DCC: variants seen among roughly 807,000 people sequenced by gnomAD.
DCC encodes the protein netrin receptor DCC.
DCC carries 58 observed loss-of-function variants against 172.5 expected under a neutral mutation model. The ratio of observed to expected loss-of-function variants is 0.34; its 90% CI spans 0.27 to 0.42. DCC has a LOEUF of 0.42. Among genes scored for constraint, DCC ranks in the 10% least tolerant of loss-of-function variants. DCC has a pLI of 1.00. For synonymous variants in DCC, 709 were observed against 644.5 expected (o/e 1.10, Z -1.52); for missense variants, 1,740 against 1,791.0 (o/e 0.97, Z 0.51).
At chr18:53,098,739 G>C (rs769431479) in intron 7 of DCC, among the ~76,000 whole-genome samples, 13 of 152,132 alleles carry the variant, frequency 8.5e-5, no homozygotes, top group Non-Finnish European at 1.8e-4. Flanking sequence ...TGGGAACAGT[G>C]CTCACACATG....
chr18:52,842,513 G>A (rs2038823671), intron 2 of DCC, among the ~76,000 whole-genome samples: 1 of 152,144 alleles, frequency 6.6e-6, no homozygotes, highest in Admixed American at 6.5e-5. Context: ...CCCAATTGGG[G>A]AGGGTCATCT....
chr18:53,473,149 TG>T (rs763782072), intron 25 of DCC, among the ~76,000 whole-genome samples: 6 of 152,208 alleles, frequency 3.9e-5, no homozygotes, highest in South Asian at 2.1e-4. Flanking sequence ...CCCTTTTATA[TG>T]TTTGAATAAC....
At chr18:52,386,309 C>A (rs1985796941) in intron 1 of DCC, among the ~76,000 whole-genome samples, 2 of 151,974 alleles carry the variant, frequency 1.3e-5, no homozygotes, top group Admixed American at 1.3e-4. Flanking sequence ...TATTAAATTC[C>A]AGTTTTAAGA....
chr18:53,066,281 TTTAG>T (rs2042565451), intron 7 of DCC, 115 bp downstream of exon 7: 1 of 972,382 alleles, frequency 1.0e-6, no homozygotes, highest in Admixed American at 2.0e-5. Context: ...TATGAAATCA[TTTAG>T]TTAATTAAGG....
intron 5 of DCC, among the ~76,000 whole-genome samples, chr18:53,057,850 T>A (rs1156847618): frequency 6.6e-6 from 1 of 152,070 alleles, no homozygotes. Context: ...AACAAACATA[T>A]GCTTCAGGCT....
intron 7 of DCC, among the ~76,000 whole-genome samples, chr18:53,091,103 A>T (rs1013872838): frequency 1.3e-5 from 2 of 152,030 alleles, no homozygotes; most frequent in African/African-American, 2.4e-5. Context: ...TCTCTATAGC[A>T]TGTGAATAAA....
At chr18:53,219,865 C>A (rs1252320306) in intron 12 of DCC, among the ~76,000 whole-genome samples, 4 of 152,130 alleles carry the variant, frequency 2.6e-5, no homozygotes, top group Admixed American at 2.6e-4. Flanking sequence ...GCAAACTGAT[C>A]ATTTTTAACA....
chr18:53,437,606 A>AAAAAAAAAGCTC (rs1568132115), intron 22 of DCC, among the ~76,000 whole-genome samples: 1 of 147,132 alleles, frequency 6.8e-6, no homozygotes, highest in African/African-American at 2.6e-5. Context: ...AAAAAAAAAA[A>AAAAAAAAAGCTC]AAAAGCTCAC....
chr18:53,121,389 G>A lies in DCC; in HGVS notation c.1262-35967G>A, dbSNP rs558862333. 2.0e-5 allele frequency among the ~76,000 whole-genome samples: 3 copies of A among 151,940 alleles called. No individual in the cohort carries two copies. In the South Asian group the frequency reaches 6.2e-4, roughly 32 times the overall value. On this transcript the variant is annotated intron_variant, in intron 7 of 28. Coordinates refer to ENST00000442544, the MANE Select transcript of DCC (RefSeq NM_005215.4). ...ATAGCAATGCCAAATGAAGTGATTG[G>A]CCACTGCTTGTTTCTTGCATTTTTG...
chr18:52,570,109 T>C (rs2033258156), intron 1 of DCC, among the ~76,000 whole-genome samples: 1 of 152,222 alleles, frequency 6.6e-6, no homozygotes, highest in Non-Finnish European at 1.5e-5. Context: ...ATTAATTTAA[T>C]GTTATTTATT....
In DCC at chr18:52,752,162, G is replaced by A. The variant is rs146575994; in HGVS notation, c.200G>A (p.Arg67Gln). 3.1e-6 allele frequency: 5 copies of A among 1,614,152 alleles called. No homozygotes were observed. The highest frequency in any genetic ancestry group is 1.7e-5 in the Admixed American group (1 of 60,024). Residue 67 changes from arginine (R) to glutamine (Q), a missense_variant, in exon 2 of 29, where the codon CGA becomes CAA. Transcript: ENST00000442544. ...CTCGACTGCTCCGCGGAGTCCGACCGAGGAGTTCCAGTGATCAAGTGGAAG... is the reference window on the plus strand; with the variant it reads ...CTCGACTGCTCCGCGGAGTCCGACCAAGGAGTTCCAGTGATCAAGTGGAAG... The part of the protein sequence containing the change: ...VLLDCSAESD[R>Q]GVPVIKWKKD...
intron 11 of DCC, among the ~76,000 whole-genome samples, chr18:53,214,497 A>G (rs1300809204): frequency 6.6e-6 from 1 of 152,118 alleles, no homozygotes; most frequent in Non-Finnish European, 1.5e-5. Flanking sequence ...AGATGTAAGT[A>G]CTCTATAGAA....
At chr18:53,141,007 G>A (rs2043822475) in intron 7 of DCC, among the ~76,000 whole-genome samples, 1 of 152,084 alleles carries the variant, frequency 6.6e-6, no homozygotes, top group Non-Finnish European at 1.5e-5. Context: ...AAGTCATTAA[G>A]ATAAGTGATG....
rs1206159704 is a variant in DCC at position 53,428,521 on chromosome 18, A to C, written c.3164-6623A>C. Among the ~76,000 whole-genome samples the C allele has an allele frequency of 3.3e-5, 2 of 59,976 alleles. 1 individual carries two copies. Among genetic ancestry groups the C allele is most frequent in the Non-Finnish European group, 6.4e-5 (2 of 31,202 alleles). The allele number at this position is 59,976 out of a possible 152,430, so 39.3% of individuals were successfully genotyped here. On this transcript the variant is annotated intron_variant, in intron 21 of 28. Coordinates refer to ENST00000442544, the MANE Select transcript of DCC (RefSeq NM_005215.4). ...TTATATTGTATATTTTATATATTTTATATATTTATGTATTTTATATATATA... is the reference window on the plus strand; with the variant it reads ...TTATATTGTATATTTTATATATTTTCTATATTTATGTATTTTATATATATA...
chr18:52,954,258 G>A (rs1301461894), intron 5 of DCC, among the ~76,000 whole-genome samples: 4 of 151,840 alleles, frequency 2.6e-5, no homozygotes, highest in Non-Finnish European at 5.9e-5. Context: ...GATCACTCAA[G>A]AATATATATA....
chr18:52,783,323 CTTTTTTTTTTTTTTTTTTTTTT>C lies in DCC; in HGVS notation c.412+30966_412+30987del, dbSNP rs374129823. The stretch of plus-strand genomic sequence containing the variant: ...ACTAAAAATAATTTATACTACTACT[CTTTTTTTTTTTTTTTTTTTTTT>C]TTTTTTTTTTTTTTTTACAACACAA... On this transcript the variant is annotated intron_variant, in intron 2 of 28. Transcript: ENST00000442544. Among the ~76,000 whole-genome samples the C allele has an allele frequency of 1.2e-4, 7 of 59,256 alleles. 1 individual carries two copies. Among genetic ancestry groups the C allele is most frequent in the East Asian group, 8.4e-4 (1 of 1,192 alleles). The allele number at this position is 59,256 out of a possible 152,430, so 38.9% of individuals were successfully genotyped here.
chr18:53,234,506 C>T (rs1445013150), intron 12 of DCC, among the ~76,000 whole-genome samples: 6 of 152,090 alleles, frequency 3.9e-5, no homozygotes, highest in African/African-American at 1.4e-4. Context: ...CCAGATATCA[C>T]TCAACCCCTG....
rs2042898313 is a variant in DCC, at chr18:53,086,319, TC to T, written c.1261+20154del. On this transcript the variant is annotated intron_variant, in intron 7 of 28. Transcript: ENST00000442544. Reference sequence around the variant, plus strand: ...CTTCCTTTCTTCTTCTTCTTCTTCTTCTTCCTTTCTTCTTCTTCTTCTTCTT... The same window carrying T: ...CTTCCTTTCTTCTTCTTCTTCTTCTTTTCCTTTCTTCTTCTTCTTCTTCTT... Among the ~76,000 whole-genome samples, 6 of 41,184 alleles carry T rather than the reference TC, an allele frequency of 1.5e-4. 2 individuals carry two copies. The highest frequency in any genetic ancestry group is 7.8e-4 in the African/African-American group (2 of 2,562). The allele number at this position is 41,184 out of a possible 152,430, so 27.0% of individuals were successfully genotyped here. A position where few individuals can be genotyped will look rare whatever the true frequency, so the allele number is the denominator to read the frequency against.
intron 1 of DCC, among the ~76,000 whole-genome samples, chr18:52,645,488 A>G (rs1245398237): frequency 6.6e-6 from 1 of 152,206 alleles, no homozygotes; most frequent in African/African-American, 2.4e-5. Context: ...TATTATTACT[A>G]GATCTGAAAA....
Sources: allele counts gnomAD v4.1 joint callset (sites outside exome capture counted in the v4.1 genomes callset), GRCh38; gene constraint gnomAD v4.1.1; transcripts MANE v1.5; gene names NCBI Gene and HGNC (gene_info 2026-07-23, HGNC 2026-07-21).